Variants in ZNF831 observed in about 807,000 individuals in gnomAD.
ZNF831 encodes the protein chromosome 20 open reading frame 174.
ZNF831 carries 59 observed loss-of-function variants against 95.8 expected under a neutral mutation model. That is an observed-to-expected ratio of 0.62 (90% CI 0.50 to 0.77). ZNF831 has a LOEUF of 0.77. Among genes scored for constraint, ZNF831 ranks in the 30% least tolerant of loss-of-function variants. ZNF831 has a pLI of 0.00. For synonymous variants in ZNF831, 961 were observed against 925.5 expected (o/e 1.04, Z -0.70); for missense variants, 2,205 against 2,164.0 (o/e 1.02, Z -0.38).
chr20:59,194,350 C>G lies in ZNF831; in HGVS notation c.3331C>G (p.Pro1111Ala), dbSNP rs755067621. The G allele has an allele frequency of 1.9e-6, 3 of 1,612,884 alleles. No individual in the cohort carries two copies. The highest frequency in any genetic ancestry group is 1.3e-5 in the African/African-American group (1 of 75,038). The change falls in exon 2 of 6, where the codon CCA becomes GCA. Residue 1111 changes from proline to alanine, a missense_variant. Physicochemically the swap from Pro to Ala is conservative, Grantham distance 27. Coordinates refer to ENST00000371030, the MANE Select transcript of ZNF831 (RefSeq NM_178457.3). ...WELGEPPGNA[P>A]EDPSSGPLVG... The stretch of plus-strand genomic sequence containing the variant: ...GCTGGGGGAGCCTCCTGGGAATGCC[C>G]CAGAAGATCCTTCTTCAGGGCCCCT...
chr20:59,255,807 CAAATT>C lies in ZNF831; in HGVS notation c.*1069_*1073del. 1 of 152,188 alleles carries C rather than the reference CAAATT, an allele frequency of 6.6e-6. No individual in the cohort carries two copies. Among genetic ancestry groups the C allele is most frequent in the Non-Finnish European group, 1.5e-5 (1 of 68,020 alleles). 9.4% of individuals were successfully genotyped at this position (152,188 alleles called of 1,614,324 possible). A position where few individuals can be genotyped will look rare whatever the true frequency, so the allele number is the denominator to read the frequency against. On this transcript the variant is annotated 3_prime_UTR_variant, in exon 6 of 6. Coordinates refer to ENST00000371030, the MANE Select transcript of ZNF831 (RefSeq NM_178457.3). Reference sequence around the variant, plus strand: ...TCGGGGCTTAGTGTTACTTTGCTGTCAAATTAAATCAGCCTCTGTATTGTGCACGT... The same window carrying C: ...TCGGGGCTTAGTGTTACTTTGCTGTCAAATCAGCCTCTGTATTGTGCACGT...
chr20:59,237,969 T>C (rs973533046), intron 4 of ZNF831, among the ~76,000 whole-genome samples: 2 of 151,090 alleles, frequency 1.3e-5, no homozygotes, highest in Non-Finnish European at 3.0e-5. Flanking sequence ...GAATACGTAA[T>C]TTTTTTTTAG....
At chr20:59,129,429 C>A (rs180951191) in intron 1 of ZNF831, among the ~76,000 whole-genome samples, 381 of 152,160 alleles carry the variant, frequency 2.5e-3, no homozygotes, top group Non-Finnish European at 4.2e-3. Context: ...GAGTTTGAGA[C>A]CAGCCTGGCC....
At chr20:59,185,242 C>G (rs541088432) in intron 1 of ZNF831, among the ~76,000 whole-genome samples, 1 of 152,172 alleles carries the variant, frequency 6.6e-6, no homozygotes, top group South Asian at 2.1e-4. Context: ...TCATCTCCCT[C>G]GAGGAAGGTG....
At position 59,191,334 on chromosome 20, in the gene ZNF831, G is replaced by A. The variant is rs760841956; in HGVS notation, c.315G>A (p.Val105=). Residue 105 remains valine (V), a synonymous_variant, in exon 2 of 6, where the codon GTG becomes GTA. Coordinates refer to ENST00000371030, the MANE Select transcript of ZNF831 (RefSeq NM_178457.3). ...CTGAAGGGCCTGGCCCCACCCAGGT[G>A]GGGAAGCCGGCGGCCCCTACGCTGA... ...LQPEGPGPTQ[V]GKPAAPTLTV... 8.7e-6 allele frequency: 14 copies of A among 1,603,842 alleles called. No individual in the cohort carries two copies. The highest frequency in any genetic ancestry group is 2.2e-5 in the South Asian group (2 of 90,068).
At chr20:59,176,272 C>T (rs887942886) in intron 1 of ZNF831, among the ~76,000 whole-genome samples, 1 of 152,088 alleles carries the variant, frequency 6.6e-6, no homozygotes, top group African/African-American at 2.4e-5. Flanking sequence ...AAAAGACAAA[C>T]TTATAGGGAC....
intron 1 of ZNF831, among the ~76,000 whole-genome samples, chr20:59,189,321 A>G (rs981401154): frequency 2.0e-5 from 3 of 152,150 alleles, no homozygotes; most frequent in African/African-American, 7.2e-5. Context: ...TAAGTTATCC[A>G]GTTGTCATTT....
chr20:59,129,247 G>A (rs1385070990), intron 1 of ZNF831, among the ~76,000 whole-genome samples: 7 of 152,090 alleles, frequency 4.6e-5, no homozygotes, highest in Non-Finnish European at 8.8e-5. Flanking sequence ...GCATGTGCAT[G>A]TGTGTATGTG....
intron 5 of ZNF831, 69 bp downstream of exon 5, chr20:59,253,207 C>A (rs1353633133): frequency 2.6e-6 from 4 of 1,559,482 alleles, no homozygotes; most frequent in East Asian, 2.3e-5. Context: ...CTTGTTCTTG[C>A]TGCTCTTGTT....
chr20:59,254,500 G>A lies in ZNF831; in HGVS notation c.4791G>A (p.Gly1597=), dbSNP rs1165143595. 1 of 1,614,048 alleles carries A rather than the reference G, an allele frequency of 6.2e-7. No individual in the cohort carries two copies. Among genetic ancestry groups the A allele is most frequent in the Non-Finnish European group, 8.5e-7 (1 of 1,180,044 alleles). ...KTFFPSRGQY[G]CGEMTVPCPS... is the part of the protein sequence containing the mutation. ...TTTTTCCTTCCAGAGGCCAGTATGG[G>A]TGTGGGGAAATGACTGTCCCCTGCC... Residue 1597 remains glycine (G), a synonymous_variant, in exon 6 of 6, where the codon GGG becomes GGA. Coordinates refer to ENST00000371030, the MANE Select transcript of ZNF831 (RefSeq NM_178457.3). The surrounding 1 kb of genome is among the most constrained non-coding windows in gnomAD (Gnocchi z 4.5).
chr20:59,240,052 A>G (rs1293807707), intron 4 of ZNF831, among the ~76,000 whole-genome samples: 1 of 151,898 alleles, frequency 6.6e-6, no homozygotes, highest in African/African-American at 2.4e-5. Flanking sequence ...GGAAGACTCT[A>G]AAGATTACCT....
chr20:59,205,061 T>G (rs77674616), intron 3 of ZNF831, among the ~76,000 whole-genome samples: 11,469 of 152,248 alleles, frequency 0.075, 587 homozygotes, highest in Non-Finnish European at 0.11. Flanking sequence ...CTTGTTATTT[T>G]GCGTGAGGAG....
At chr20:59,158,520 T>A (rs116770023) in intron 2 of ZNF831, among the ~76,000 whole-genome samples, 21 of 152,262 alleles carry the variant, frequency 1.4e-4, no homozygotes, top group African/African-American at 4.3e-4. Context: ...GAACCACAGG[T>A]GATGGTGACG....
chr20:59,150,389 A>C (rs1980159716), intron 2 of ZNF831, among the ~76,000 whole-genome samples: 1 of 152,246 alleles, frequency 6.6e-6, no homozygotes, highest in Admixed American at 6.5e-5. Flanking sequence ...GATAAAATAC[A>C]GGATGCCCAG....
rs763766450 is a variant in ZNF831 at position 59,192,460 on chromosome 20, C to G, written c.1441C>G (p.Arg481Gly). 6.3e-7 allele frequency: 1 copy of G among 1,596,088 alleles called. No homozygotes were observed. Among genetic ancestry groups the G allele is most frequent in the South Asian group, 1.1e-5 (1 of 88,308 alleles). The change falls in exon 2 of 6, where the codon CGG (arginine) becomes GGG (glycine). Residue 481 changes from arginine (R) to glycine (G), a missense_variant. By Grantham distance (125) the Arg-to-Gly change is moderately radical (BLOSUM62 -2). Transcript: ENST00000371030. The surrounding 1 kb of genome is among the most constrained non-coding windows in gnomAD (Gnocchi z 5.2). The part of the protein sequence containing the change: ...RSTWTPPDKS[R>G]PLFFHSVPTQ... ...CACCTGGACGCCCCCAGACAAGTCT[C>G]GGCCCCTCTTCTTCCACTCCGTCCC...
intron 1 of ZNF831, among the ~76,000 whole-genome samples, chr20:59,187,479 G>A (rs1050600564): frequency 3.3e-5 from 5 of 152,048 alleles, no homozygotes; most frequent in South Asian, 2.1e-4. Flanking sequence ...TGAACTTCCC[G>A]TCTCCAGAGC....
intron 4 of ZNF831, among the ~76,000 whole-genome samples, chr20:59,222,260 G>A (rs1237048961): frequency 6.6e-6 from 1 of 152,188 alleles, no homozygotes; most frequent in Non-Finnish European, 1.5e-5. Flanking sequence ...GCTCAGCGAA[G>A]CCTCGGGAAG....
chr20:59,134,744 G>A (rs181743586), intron 1 of ZNF831, among the ~76,000 whole-genome samples: 116 of 152,320 alleles, frequency 7.6e-4, no homozygotes, highest in Middle Eastern at 6.8e-3. Context: ...AGCGTCTGTA[G>A]TCTTCCTCAC....
intron 4 of ZNF831, among the ~76,000 whole-genome samples, chr20:59,216,089 T>C (rs1345189397): frequency 2.6e-5 from 4 of 152,220 alleles, no homozygotes. Context: ...TTCAGTTTTA[T>C]TTAACTTTTT....
Sources: gnomAD v4.1 joint callset for allele counts (sites outside exome capture counted in the v4.1 genomes callset) on GRCh38, gnomAD v4.1.1 for gene constraint, Gnocchi (gnomAD v3.1) non-coding constraint, MANE v1.5 for transcripts, NCBI Gene and HGNC (gene_info 2026-07-23, HGNC 2026-07-21) for gene names.